ARAP2: variants seen among roughly 807,000 people sequenced by gnomAD.
The protein encoded by ARAP2 is arf-GAP with Rho-GAP domain, ANK repeat and PH domain-containing protein 2.
In ARAP2, 148 loss-of-function variants were observed where a neutral mutation model predicts 194.5. The observed-to-expected ratio is 0.76, with a 90% CI of 0.67 to 0.87. ARAP2 has a LOEUF of 0.87. ARAP2 is among the 40% of genes least tolerant of loss of function. The pLI is 0.00. For synonymous variants in ARAP2, 695 were observed against 683.5 expected (o/e 1.02, Z -0.26); for missense variants, 2,128 against 1,989.7 (o/e 1.07, Z -1.32).
At chr4:36,113,428 C>T (rs1720528073) in intron 26 of ARAP2, among the ~76,000 whole-genome samples, 1 of 151,930 alleles carries the variant, frequency 6.6e-6, no homozygotes, top group African/African-American at 2.4e-5. Context: ...TGCAACACTC[C>T]TAATAACACA....
In ARAP2 at chr4:36,119,661, T is replaced by C. The variant is rs1722221186; in HGVS notation, c.3952A>G (p.Lys1318Glu). 1 of 1,602,000 alleles carries C rather than the reference T, an allele frequency of 6.2e-7. No homozygotes were observed. Residue 1318 changes from lysine to glutamate, a missense_variant, in exon 24 of 33, where the codon AAA becomes GAA. Physicochemically the swap from Lys to Glu is moderately conservative, Grantham distance 56 (BLOSUM62 1). Transcript: ENST00000303965. ...CTATTACTACTCACTTGGGTGTCTT[T>C]CCACTTGGTAATAAAGCTATTTTCT... ...DIENSFITKW[K>E]DTQVSQAGDL...
chr4:36,171,580 T>A (rs1289397466), intron 9 of ARAP2, among the ~76,000 whole-genome samples: 2 of 151,808 alleles, frequency 1.3e-5, no homozygotes, highest in African/African-American at 4.8e-5. Context: ...AAATGATGAG[T>A]TAATGGGTGC....
At chr4:36,012,130 G>T (rs995934254) in intron 9 of ARAP2, among the ~76,000 whole-genome samples, 1 of 152,068 alleles carries the variant, frequency 6.6e-6, no homozygotes, top group African/African-American at 2.4e-5. Flanking sequence ...AAATGTCTAC[G>T]ATTCTTCATA....
chr4:36,176,753 T>C (rs1002426029), intron 9 of ARAP2, among the ~76,000 whole-genome samples: 2 of 152,148 alleles, frequency 1.3e-5, no homozygotes, highest in African/African-American at 4.8e-5. Context: ...CCTTCAACTG[T>C]TAATTGGCTA....
intron 30 of ARAP2, 63 bp downstream of exon 30, chr4:36,082,185 AAAT>A: frequency 1.4e-6 from 2 of 1,449,414 alleles, no homozygotes; most frequent in Non-Finnish European, 1.9e-6. Flanking sequence ...GCAATTACTG[AAAT>A]TATTCTTTTC....
At chr4:36,037,604 C>T (rs1334385627) in intron 5 of ARAP2, among the ~76,000 whole-genome samples, 2 of 152,050 alleles carry the variant, frequency 1.3e-5, no homozygotes, top group Non-Finnish European at 2.9e-5. Context: ...TAGTAACATA[C>T]CTGCACTAAA....
chr4:36,084,505 G>A (rs960451427), intron 28 of ARAP2, among the ~76,000 whole-genome samples: 15 of 152,042 alleles, frequency 9.9e-5, no homozygotes, highest in African/African-American at 3.6e-4. Flanking sequence ...ACAGACTCGT[G>A]AATATATATG....
intron 3 of ARAP2, among the ~76,000 whole-genome samples, chr4:36,047,760 G>A (rs1722063423): frequency 1.3e-5 from 2 of 152,106 alleles, no homozygotes; most frequent in Admixed American, 1.3e-4. Context: ...ATACTCCAAT[G>A]CCTTTTAGGT....
At chr4:36,080,138 T>G in intron 31 of ARAP2, 78 bp downstream of exon 31, 2 of 1,209,126 alleles carry the variant, frequency 1.7e-6, no homozygotes, top group East Asian at 4.9e-5. Flanking sequence ...AAAAATTCTT[T>G]AGAAATCACC....
At chr4:36,195,805 TAACAC>T (rs1742952559) in intron 6 of ARAP2, among the ~76,000 whole-genome samples, 2 of 152,200 alleles carry the variant, frequency 1.3e-5, no homozygotes, top group Admixed American at 1.3e-4. Flanking sequence ...TCATAGCACT[TAACAC>T]AACCTCTAAT....
chr4:36,164,801 C>T, intron 11 of ARAP2, 113 bp downstream of exon 11: 1 of 1,005,178 alleles, frequency 9.9e-7, no homozygotes. Flanking sequence ...AATAAGCTTT[C>T]TCTGGTTTTA....
At chr4:36,096,681 T>C (rs1246678014) in intron 27 of ARAP2, among the ~76,000 whole-genome samples, 1 of 152,190 alleles carries the variant, frequency 6.6e-6, no homozygotes, top group Non-Finnish European at 1.5e-5. Context: ...CACACCGTCA[T>C]ACTAATAGAT....
intron 11 of ARAP2, among the ~76,000 whole-genome samples, chr4:36,161,789 C>T (rs1249926982): frequency 1.6e-5 from 1 of 64,430 alleles, no homozygotes. Context: ...AGCATCTGCA[C>T]TGACAAAAAA....
intron 31 of ARAP2, among the ~76,000 whole-genome samples, chr4:36,077,362 G>A (rs1728490735): frequency 1.3e-5 from 2 of 151,992 alleles, no homozygotes; most frequent in South Asian, 4.2e-4. Context: ...TTCTGCACTA[G>A]CTGGTACTTT....
chr4:36,165,550 T>A (rs543909341), intron 10 of ARAP2, among the ~76,000 whole-genome samples: 2 of 152,152 alleles, frequency 1.3e-5, no homozygotes, highest in African/African-American at 4.8e-5. Context: ...ATTGTGACTT[T>A]TTTTTCAGAT....
At chr4:36,220,560 A>AT (rs71653579) in intron 2 of ARAP2, among the ~76,000 whole-genome samples, 14,616 of 148,924 alleles carry the variant, frequency 0.098, 793 homozygotes, top group African/African-American at 0.13. Flanking sequence ...CCTTCCACTT[A>AT]TTTTTTTTTT....
At chr4:36,230,405 C>T (rs1751208343) in intron 1 of ARAP2, among the ~76,000 whole-genome samples, 1 of 152,094 alleles carries the variant, frequency 6.6e-6, no homozygotes, top group Admixed American at 6.6e-5. Flanking sequence ...ATTTTCATTT[C>T]ATAAAAACAG....
chr4:36,052,724 G>A (rs919837965), intron 2 of ARAP2, among the ~76,000 whole-genome samples: 5 of 152,292 alleles, frequency 3.3e-5, no homozygotes, highest in Admixed American at 6.5e-5. Context: ...CAGCACTTTG[G>A]GAGGCCGAGG....
At chr4:36,126,936 C>T (rs1010023577) in intron 21 of ARAP2, among the ~76,000 whole-genome samples, 50 of 152,154 alleles carry the variant, frequency 3.3e-4, no homozygotes, top group African/African-American at 1.1e-3. Context: ...TTCCTGGGCT[C>T]ATGTGATCCT....
Sources: gnomAD v4.1 joint callset for allele counts (sites outside exome capture counted in the v4.1 genomes callset) on GRCh38, gnomAD v4.1.1 for gene constraint, MANE v1.5 for transcripts, NCBI Gene and HGNC (gene_info 2026-07-23, HGNC 2026-07-21) for gene names.